THRB: variants seen among roughly 807,000 people sequenced by gnomAD.
The protein encoded by THRB is thyroid hormone receptor beta, also known as nuclear receptor subfamily 1 group A member 2.
THRB carries 12 observed loss-of-function variants against 47.8 expected under a neutral mutation model. The observed-to-expected ratio is 0.25, with a 90% CI of 0.16 to 0.41. The LOEUF (loss-of-function observed/expected upper bound fraction) is 0.41, where lower values mean the gene tolerates loss of function less well. Among genes scored for constraint, THRB ranks in the 10% least tolerant of loss-of-function variants. The probability of loss-of-function intolerance (pLI) is 1.00; values close to 1 mark genes in which losing one functional copy is unlikely to be tolerated. For synonymous variants in THRB, 218 were observed against 212.2 expected (o/e 1.03, Z -0.24); for missense variants, 348 against 589.2 (o/e 0.59, Z 4.24).
intron 1 of THRB, among the ~76,000 whole-genome samples, chr3:24,412,866 G>C (rs1356786006): frequency 6.6e-6 from 1 of 151,670 alleles, no homozygotes; most frequent in Non-Finnish European, 1.5e-5. Context: ...AGAGGACACA[G>C]AAAATTTTAA....
At chr3:24,173,075 A>G (rs1267300795) in intron 5 of THRB, among the ~76,000 whole-genome samples, 1 of 152,194 alleles carries the variant, frequency 6.6e-6, no homozygotes, top group Non-Finnish European at 1.5e-5. Flanking sequence ...CAGCATTAGC[A>G]TATCCTGGAA....
chr3:24,270,511 T>C (rs2053213036), intron 3 of THRB, among the ~76,000 whole-genome samples: 2 of 152,242 alleles, frequency 1.3e-5, no homozygotes, highest in Non-Finnish European at 2.9e-5. Flanking sequence ...AGCACCTATC[T>C]ATAATGCCAT....
intron 1 of THRB, among the ~76,000 whole-genome samples, chr3:24,485,447 C>T (rs889427180): frequency 6.6e-6 from 1 of 152,216 alleles, no homozygotes; most frequent in Non-Finnish European, 1.5e-5. Flanking sequence ...CTCCAGCAGG[C>T]ATCATCTCTC....
intron 1 of THRB, among the ~76,000 whole-genome samples, chr3:24,412,175 A>G (rs1187217072): frequency 6.6e-6 from 1 of 151,892 alleles, no homozygotes; most frequent in Non-Finnish European, 1.5e-5. Flanking sequence ...ATTTGCTTTT[A>G]TAACATGGAT....
chr3:24,187,056 G>C (rs1049143665), intron 5 of THRB, among the ~76,000 whole-genome samples: 3 of 150,568 alleles, frequency 2.0e-5, no homozygotes, highest in Admixed American at 6.6e-5. Context: ...TCAACTATTT[G>C]AAGTGAAAGA....
rs150020106 is a variant in THRB at position 24,482,237 on chromosome 3, A to G, written c.-261+12415T>C. ...ATAGTAATAAAATTGTTTTCCATGTATTGAGCACTCACCAGGTACTATGTC... is the reference window on the plus strand; with the variant it reads ...ATAGTAATAAAATTGTTTTCCATGTGTTGAGCACTCACCAGGTACTATGTC... On this transcript the variant is annotated intron_variant, in intron 1 of 10. Transcript: ENST00000646209. Among the ~76,000 whole-genome samples, 8 of 152,336 alleles carry G rather than the reference A, an allele frequency of 5.3e-5. No individual in the cohort carries two copies. In the East Asian group the frequency reaches 7.7e-4, roughly 15 times the overall value.
chr3:24,206,453 C>T (rs147210676), intron 4 of THRB, among the ~76,000 whole-genome samples: 169 of 152,160 alleles, frequency 1.1e-3, no homozygotes, highest in African/African-American at 3.5e-3. Context: ...TTGAAACCAA[C>T]GAGAACAAAG....
intron 2 of THRB, among the ~76,000 whole-genome samples, chr3:24,334,010 C>T (rs1352044632): frequency 6.6e-6 from 1 of 152,182 alleles, no homozygotes; most frequent in African/African-American, 2.4e-5. Context: ...AGAATTGGCC[C>T]CTGGGTCCCA....
chr3:24,373,413 A>C (rs965055515), intron 1 of THRB, among the ~76,000 whole-genome samples: 1 of 152,142 alleles, frequency 6.6e-6, no homozygotes, highest in Non-Finnish European at 1.5e-5. Context: ...TTTCTATCAT[A>C]TGACTTCCCA....
At chr3:24,319,906 A>T (rs2058370233) in intron 2 of THRB, among the ~76,000 whole-genome samples, 1 of 152,212 alleles carries the variant, frequency 6.6e-6, no homozygotes, top group African/African-American at 2.4e-5. Context: ...ACACAGCATT[A>T]TGGCAAACTC....
chr3:24,228,804 G>A, intron 4 of THRB, 134 bp downstream of exon 4: 1 of 816,284 alleles, frequency 1.2e-6, no homozygotes, highest in Non-Finnish European at 2.1e-6. Context: ...GGTATTCACA[G>A]GATTTAATAA....
intron 1 of THRB, among the ~76,000 whole-genome samples, chr3:24,435,962 C>T (rs1397861247): frequency 6.6e-6 from 1 of 152,176 alleles, no homozygotes; most frequent in African/African-American, 2.4e-5. Flanking sequence ...AATGCTTATA[C>T]ACACAATAAT....
intron 3 of THRB, among the ~76,000 whole-genome samples, chr3:24,272,348 A>AACAACAACG (rs1315194241): frequency 2.8e-5 from 1 of 35,950 alleles, no homozygotes; most frequent in Non-Finnish European, 7.3e-5. Flanking sequence ...TCTCTCTCAA[A>AACAACAACG]ACAACAACAA....
chr3:24,221,820 T>C (rs1441012993), intron 4 of THRB, among the ~76,000 whole-genome samples: 5 of 152,182 alleles, frequency 3.3e-5, no homozygotes, highest in Admixed American at 3.3e-4. Flanking sequence ...CTAGTCTGTC[T>C]GGATTTGGTG....
At chr3:24,339,184 T>A (rs2062459714) in intron 1 of THRB, among the ~76,000 whole-genome samples, 1 of 152,010 alleles carries the variant, frequency 6.6e-6, no homozygotes, top group African/African-American at 2.4e-5. Flanking sequence ...TTTTTGAGAG[T>A]GTAATTTTGA....
intron 1 of THRB, among the ~76,000 whole-genome samples, chr3:24,422,323 C>A (rs1260866212): frequency 1.3e-5 from 2 of 151,844 alleles, no homozygotes; most frequent in Admixed American, 6.6e-5. Flanking sequence ...GAATTGTGGT[C>A]ATCTGGACTT....
At chr3:24,484,557 C>T (rs1048929977) in intron 1 of THRB, among the ~76,000 whole-genome samples, 3 of 152,108 alleles carry the variant, frequency 2.0e-5, no homozygotes, top group African/African-American at 7.2e-5. Flanking sequence ...AATGTGGCTA[C>T]TAGAAGAATT....
intron 3 of THRB, among the ~76,000 whole-genome samples, chr3:24,275,394 G>A (rs1447000568): frequency 6.6e-6 from 1 of 152,120 alleles, no homozygotes; most frequent in Admixed American, 6.5e-5. Context: ...ACTCTCTCAG[G>A]ACACTCTGAA....
At chr3:24,478,401 G>A (rs1197528919) in intron 1 of THRB, among the ~76,000 whole-genome samples, 4 of 152,132 alleles carry the variant, frequency 2.6e-5, no homozygotes, top group South Asian at 2.1e-4. Flanking sequence ...ATGGATGAAC[G>A]TAATTTTAAA....
Sources: gnomAD v4.1 joint callset for allele counts (sites outside exome capture counted in the v4.1 genomes callset) on GRCh38, gnomAD v4.1.1 for gene constraint, MANE v1.5 for transcripts, NCBI Gene and HGNC (gene_info 2026-07-23, HGNC 2026-07-21) for gene names.